The following C3orf22 variants were observed in gnomAD, a reference collection of about 807,000 sequenced individuals.
The protein encoded by C3orf22 is chromosome 3 open reading frame 22.
Under a neutral mutation model 10.8 loss-of-function variants are expected in C3orf22, and 7 were observed. The ratio of observed to expected loss-of-function variants is 0.65; its 90% CI spans 0.37 to 1.22. The LOEUF is 1.22. C3orf22 is among the 50% of genes most tolerant of loss of function. The probability of loss-of-function intolerance (pLI) is 0.02; values close to 1 mark genes in which losing one functional copy is unlikely to be tolerated. For synonymous variants in C3orf22, 79 were observed against 78.9 expected, an observed-to-expected ratio of 1.00 and a Z score of 0.00; for missense variants, 173 against 177.0, an observed-to-expected ratio of 0.98 and a Z score of 0.13.
chr3:126,547,017 T>C (rs570451136), downstream of C3orf22, among the ~76,000 whole-genome samples: 1 of 152,210 alleles, frequency 6.6e-6, no homozygotes, highest in South Asian at 2.1e-4. Context: ...CCGACATGAA[T>C]GTTGTTGCAT....
intron 4 of C3orf22, among the ~76,000 whole-genome samples, chr3:126,532,647 C>G (rs1351051208): frequency 6.6e-6 from 1 of 152,196 alleles, no homozygotes; most frequent in East Asian, 1.9e-4. Flanking sequence ...CTAGCCAGCA[C>G]CACACAGTCT....
chr3:126,552,933 C>T (rs576355570), intron 2 of C3orf22, among the ~76,000 whole-genome samples: 187 of 152,372 alleles, frequency 1.2e-3, no homozygotes, highest in Admixed American at 2.5e-3. Context: ...TCGGGCTGCC[C>T]GTTATCCTGG....
intron 5 of C3orf22, among the ~76,000 whole-genome samples, chr3:126,528,615 G>A (rs7648094): frequency 0.35 from 53,732 of 151,894 alleles, 9,995 homozygotes; most frequent in African/African-American, 0.47. Flanking sequence ...GGGCCTACCC[G>A]GGGCTGGCCA....
At chr3:126,557,065 TTCACACACAGATTC>T (rs1388317407) in intron 1 of C3orf22, among the ~76,000 whole-genome samples, 2 of 148,328 alleles carry the variant, frequency 1.3e-5, no homozygotes, top group Admixed American at 6.7e-5. Flanking sequence ...GACTCACACA[TTCACACACAGATTC>T]ACACACACAC....
At chr3:126,549,185 G>A (rs1409737331), downstream of C3orf22, among the ~76,000 whole-genome samples, 1 of 151,842 alleles carries the variant, frequency 6.6e-6, no homozygotes, top group Non-Finnish European at 1.5e-5. Context: ...CCTCACTCTC[G>A]GTCCTGTCCC....
chr3:126,539,805 C>CGCACCACGTGCATACCAA (rs1936900611), intron 4 of C3orf22, among the ~76,000 whole-genome samples: 2 of 73,708 alleles, frequency 2.7e-5, no homozygotes, highest in African/African-American at 7.3e-5. Context: ...AGACACCACA[C>CGCACCACGTGCATACCAA]CACACACCAC....
Position 126,552,193 on chromosome 3 carries a change from G to A in C3orf22, c.90-71C>T, listed in dbSNP as rs1040231536. ...TCCTGAAGTAACTCTCACTCATCTG[G>A]AACTTTCCATCTGCTAGGCACTGTT... On this transcript the variant is annotated intron_variant, in intron 2 of 3. Coordinates refer to ENST00000318225, the MANE Select transcript of C3orf22 (RefSeq NM_152533.3). 3.1e-5 allele frequency: 49 copies of A among 1,604,456 alleles called. No homozygotes were observed. The African/African-American group carries it at 5.5e-4, about 18-fold the overall frequency.
intron 4 of C3orf22, chr3:126,541,894 G>T: frequency 6.2e-7 from 1 of 1,600,786 alleles, no homozygotes; most frequent in East Asian, 2.3e-5. Flanking sequence ...ACGTGCCCAA[G>T]GTGGCCTGCA....
chr3:126,545,622 A>G (rs984093353), downstream of C3orf22, among the ~76,000 whole-genome samples: 2 of 152,206 alleles, frequency 1.3e-5, no homozygotes, highest in South Asian at 2.1e-4. Context: ...TTCAGCAACG[A>G]GTAAGACAGT....
In C3orf22 at chr3:126,553,353, T is replaced by C. The variant is rs201215033; in HGVS notation, c.38A>G (p.Lys13Arg). ...SSACKKSHQS[K>R]KWRIQAQENF... The stretch of plus-strand genomic sequence containing the variant: ...CTCCTGGGCCTGGATCCTCCACTTC[T>C]TACTCTGGTGAGACTTCTTGCAGGC... Residue 13 changes from lysine (K) to arginine (R), a missense_variant, in exon 2 of 4, where the codon AAG becomes AGG. By Grantham distance (26) the Lys-to-Arg change is conservative (BLOSUM62 2). Coordinates refer to ENST00000318225, the MANE Select transcript of C3orf22 (RefSeq NM_152533.3). 6.2e-7 allele frequency: 1 copy of C among 1,614,158 alleles called. No homozygotes were observed. Among genetic ancestry groups the C allele is most frequent in the Non-Finnish European group, 8.5e-7 (1 of 1,180,022 alleles).
In C3orf22 at chr3:126,535,277, C is replaced by T. The variant is rs192411078; in HGVS notation, c.287-5905G>A. On this transcript the variant is annotated intron_variant and NMD_transcript_variant, in intron 4 of 5. Coordinates refer to the C3orf22 transcript ENST00000505070. ...GAGACAGACAGACAGCATCACTGTC[C>T]TCAGCTGGAGAAAGACAGACAGCAT... Among the ~76,000 whole-genome samples, 8 of 149,278 alleles carry T rather than the reference C, an allele frequency of 5.4e-5. No individual in the cohort carries two copies. In the East Asian group the frequency reaches 1.6e-3, roughly 31 times the overall value.
chr3:126,544,135 T>A (rs985471180), intron 4 of C3orf22, among the ~76,000 whole-genome samples: 2 of 152,200 alleles, frequency 1.3e-5, no homozygotes, highest in African/African-American at 4.8e-5. Flanking sequence ...ATTGGTAGTT[T>A]ACTGGATTGA....
chr3:126,551,042 G>A (rs990790968), intron 3 of C3orf22, among the ~76,000 whole-genome samples: 4 of 152,380 alleles, frequency 2.6e-5, no homozygotes, highest in Admixed American at 6.5e-5. Context: ...TCCTGTAGCC[G>A]AACTACGGGG....
chr3:126,541,581 C>CA, intron 4 of C3orf22: 1 of 635,886 alleles, frequency 1.6e-6, no homozygotes, highest in Non-Finnish European at 2.5e-6. Context: ...CTAAACCACA[C>CA]AGTGATCAGT....
chr3:126,536,822 C>T (rs1431495507), intron 4 of C3orf22, among the ~76,000 whole-genome samples: 1 of 151,762 alleles, frequency 6.6e-6, no homozygotes, highest in African/African-American at 2.4e-5. Flanking sequence ...CCCAAATACA[C>T]ACATACAACT....
chr3:126,545,797 G>A (rs1201598800), downstream of C3orf22, among the ~76,000 whole-genome samples: 4 of 152,196 alleles, frequency 2.6e-5, no homozygotes, highest in Admixed American at 1.3e-4. Context: ...ACAAAGGCTT[G>A]ATGACAGTCG....
At chr3:126,541,858 C>A in intron 4 of C3orf22, 1 of 1,588,794 alleles carries the variant, frequency 6.3e-7, no homozygotes. Context: ...TGCTGGTGGA[C>A]GACGCGCATG....
intron 4 of C3orf22, among the ~76,000 whole-genome samples, chr3:126,531,101 C>T (rs931238746): frequency 6.6e-6 from 1 of 152,280 alleles, no homozygotes; most frequent in Non-Finnish European, 1.5e-5. Context: ...CCATATTCTG[C>T]CTGCCAGGCA....
chr3:126,557,804 G>A (rs964647324), intron 1 of C3orf22, among the ~76,000 whole-genome samples: 5 of 152,352 alleles, frequency 3.3e-5, no homozygotes, highest in Non-Finnish European at 7.3e-5. Context: ...GGGCCCTGAA[G>A]GGCAGGCTTC....
Sources: gnomAD v4.1 joint callset for allele counts (sites outside exome capture counted in the v4.1 genomes callset) on GRCh38, gnomAD v4.1.1 for gene constraint, MANE v1.5 for transcripts, NCBI Gene and HGNC (gene_info 2026-07-23, HGNC 2026-07-21) for gene names.